AGBL1: variants seen among roughly 807,000 people sequenced by gnomAD.
AGBL1 encodes the protein cytosolic carboxypeptidase 4.
A neutral mutation model predicts 118.9 loss-of-function variants in AGBL1; 130 were observed. That is an observed-to-expected ratio of 1.09 (90% CI 0.95 to 1.26). AGBL1 has a LOEUF of 1.26. AGBL1 is among the 50% of genes most tolerant of loss of function. The pLI, the probability that AGBL1 is intolerant of heterozygous loss-of-function variation, is 0.00. For missense variants in AGBL1, 1,584 were observed against 1,298.1 expected, an observed-to-expected ratio of 1.22 and a Z score of -3.38; for synonymous variants, 555 against 478.9, an observed-to-expected ratio of 1.16 and a Z score of -2.08.
chr15:86,878,914 C>A (rs1194609454), intron 22 of AGBL1, among the ~76,000 whole-genome samples: 1 of 152,218 alleles, frequency 6.6e-6, no homozygotes, highest in Non-Finnish European at 1.5e-5. Flanking sequence ...TTCTCTGAGT[C>A]CAGGAACCTT....
intron 16 of AGBL1, 83 bp downstream of exon 16, chr15:86,279,866 C>A: frequency 1.3e-6 from 2 of 1,521,834 alleles, no homozygotes; most frequent in Non-Finnish European, 1.8e-6. Flanking sequence ...GAGACCCTGA[C>A]ATCCTGATGG....
chr15:86,292,890 T>C (rs1203855307), intron 16 of AGBL1, among the ~76,000 whole-genome samples: 1 of 152,182 alleles, frequency 6.6e-6, no homozygotes, highest in African/African-American at 2.4e-5. Flanking sequence ...AGTAAGGTTA[T>C]GCTGATGAAG....
At chr15:86,454,703 C>G (rs2082238975) in intron 18 of AGBL1, among the ~76,000 whole-genome samples, 1 of 152,082 alleles carries the variant, frequency 6.6e-6, no homozygotes, top group African/African-American at 2.4e-5. Context: ...CAAAACTAAA[C>G]TAAACTGATG....
chr15:86,814,925 C>T (rs2078839023), intron 22 of AGBL1, among the ~76,000 whole-genome samples: 1 of 152,172 alleles, frequency 6.6e-6, no homozygotes, highest in Non-Finnish European at 1.5e-5. Context: ...GAGTTCCTGC[C>T]TTCTTAGTAG....
At chr15:86,746,992 T>C (rs2077766669) in intron 22 of AGBL1, among the ~76,000 whole-genome samples, 1 of 152,024 alleles carries the variant, frequency 6.6e-6, no homozygotes, top group African/African-American at 2.4e-5. Flanking sequence ...ATTCAGTAAC[T>C]CAGCAATTAA....
chr15:86,127,099 G>A (rs891512774), intron 1 of AGBL1, among the ~76,000 whole-genome samples: 1 of 152,118 alleles, frequency 6.6e-6, no homozygotes, highest in Non-Finnish European at 1.5e-5. Flanking sequence ...CAGTAATCTG[G>A]CCTTCAAACA....
intron 22 of AGBL1, among the ~76,000 whole-genome samples, chr15:86,688,470 T>C (rs2086103497): frequency 6.6e-6 from 1 of 152,192 alleles, no homozygotes; most frequent in East Asian, 1.9e-4. Context: ...TTGAGGAGGC[T>C]TATTTGCAAA....
intron 23 of AGBL1, among the ~76,000 whole-genome samples, chr15:86,930,216 G>T (rs2080589267): frequency 6.6e-6 from 1 of 152,108 alleles, no homozygotes; most frequent in Non-Finnish European, 1.5e-5. Context: ...CCAGTTAACT[G>T]CTGATAGGGT....
intron 12 of AGBL1, 128 bp from the exon 13 acceptor site, chr15:86,266,862 T>C: frequency 1.2e-6 from 1 of 811,978 alleles, no homozygotes; most frequent in Non-Finnish European, 2.0e-6. Flanking sequence ...CATCCCGCCC[T>C]GCACTCCAGC....
intron 21 of AGBL1, among the ~76,000 whole-genome samples, chr15:86,648,689 T>G (rs2469183): frequency 0.54 from 81,895 of 151,874 alleles, 22,213 homozygotes; most frequent in Middle Eastern, 0.67. Context: ...AATTGAAGTG[T>G]AGAGACTAAC....
At chr15:86,138,328 G>C (rs146274754) in intron 1 of AGBL1, 1 of 152,190 alleles carries the variant, frequency 6.6e-6, no homozygotes, top group Non-Finnish European at 1.5e-5. Context: ...GCCCAACCCT[G>C]TTTAGCTTCT....
intron 17 of AGBL1, among the ~76,000 whole-genome samples, chr15:86,380,346 G>A (rs1297843717): frequency 6.8e-6 from 1 of 147,586 alleles, no homozygotes; most frequent in Admixed American, 6.7e-5. Context: ...GGACAGTGGT[G>A]CAATCTCGGC....
At chr15:86,219,074 A>G (rs999256146) in intron 5 of AGBL1, among the ~76,000 whole-genome samples, 3 of 152,242 alleles carry the variant, frequency 2.0e-5, no homozygotes, top group Admixed American at 6.5e-5. Flanking sequence ...GTGCCACAGA[A>G]TATCTGACTT....
At chr15:86,292,405 T>A (rs2079561930) in intron 16 of AGBL1, among the ~76,000 whole-genome samples, 2 of 152,072 alleles carry the variant, frequency 1.3e-5, no homozygotes, top group Admixed American at 1.3e-4. Context: ...TGTATAGAGC[T>A]TCCAAAAGGA....
At chr15:86,925,636 G>A (rs1244646839) in intron 23 of AGBL1, among the ~76,000 whole-genome samples, 1 of 150,796 alleles carries the variant, frequency 6.6e-6, no homozygotes, top group Non-Finnish European at 1.5e-5. Flanking sequence ...CACCAAATAG[G>A]TGCTGACAGG....
intron 22 of AGBL1, among the ~76,000 whole-genome samples, chr15:86,796,224 C>CAATGGAA (rs2078568540): frequency 6.6e-6 from 1 of 152,202 alleles, no homozygotes; most frequent in Non-Finnish European, 1.5e-5. Flanking sequence ...TTCCACCTCA[C>CAATGGAA]ACTGGGAAAA....
intron 18 of AGBL1, among the ~76,000 whole-genome samples, chr15:86,403,113 A>C (rs2081472101): frequency 6.6e-6 from 1 of 152,162 alleles, no homozygotes; most frequent in Non-Finnish European, 1.5e-5. Context: ...AAGACAGGTG[A>C]TTCCTGAACT....
rs1254423643 is a variant in AGBL1 at position 86,772,692 on chromosome 15, AG to A, written c.3158+98258del. On this transcript the variant is annotated intron_variant, in intron 22 of 22. Coordinates refer to ENST00000614907, the MANE Select transcript of AGBL1 (RefSeq NM_001386094.1). ...GAAGACACAGAATGGATAATCATAA[AG>A]GTAGGAGGAAATCAAGGAGGTCATT... Among the ~76,000 whole-genome samples the A allele has an allele frequency of 2.0e-5, 3 of 152,206 alleles. No individual in the cohort carries two copies. In the East Asian group the frequency reaches 5.8e-4, roughly 30 times the overall value.
intron 17 of AGBL1, among the ~76,000 whole-genome samples, chr15:86,381,376 TTAA>T (rs929078548): frequency 1.3e-5 from 2 of 152,124 alleles, no homozygotes; most frequent in African/African-American, 4.8e-5. Flanking sequence ...TTATTTCAAT[TTAA>T]TAGTTTCTTT....
Sources: allele counts gnomAD v4.1 joint callset (sites outside exome capture counted in the v4.1 genomes callset), GRCh38; gene constraint gnomAD v4.1.1; transcripts MANE v1.5; gene names NCBI Gene and HGNC (gene_info 2026-07-23, HGNC 2026-07-21).